Variants in MAPK10 observed in about 807,000 individuals in gnomAD.
MAPK10 encodes JNK3 alpha protein kinase.
In MAPK10, 25 loss-of-function variants were observed where a neutral mutation model predicts 59.3. The observed-to-expected ratio is 0.42, with a 90% CI of 0.31 to 0.59. The LOEUF is 0.59. Ranked by LOEUF, MAPK10 falls within the 20% of genes least tolerant of loss-of-function variation. The pLI, the probability that MAPK10 is intolerant of heterozygous loss-of-function variation, is 0.15. For synonymous variants in MAPK10, 190 were observed against 200.5 expected, an observed-to-expected ratio of 0.95 and a Z score of 0.44; for missense variants, 351 against 568.9, an observed-to-expected ratio of 0.62 and a Z score of 3.90.
chr4:86,466,069 A>C (rs746882306), intron 1 of MAPK10, among the ~76,000 whole-genome samples: 24 of 152,356 alleles, frequency 1.6e-4, no homozygotes, highest in Non-Finnish European at 2.9e-4. Flanking sequence ...TAATGCCTGG[A>C]TGTAATCACT....
At chr4:86,546,118 G>T (rs891343059) in intron 1 of MAPK10, among the ~76,000 whole-genome samples, 1 of 152,162 alleles carries the variant, frequency 6.6e-6, no homozygotes, top group Non-Finnish European at 1.5e-5. Context: ...AGCTACTTGG[G>T]AGGCTGAGGC....
At chr4:86,337,516 G>T (rs1207558590) in intron 2 of MAPK10, among the ~76,000 whole-genome samples, 9 of 152,160 alleles carry the variant, frequency 5.9e-5, no homozygotes, top group African/African-American at 2.2e-4. Flanking sequence ...ACAGAATGGG[G>T]AAATAGAAAG....
At chr4:86,165,626 C>A (rs547750154) in intron 3 of MAPK10, among the ~76,000 whole-genome samples, 1 of 136,712 alleles carries the variant, frequency 7.3e-6, no homozygotes, top group East Asian at 2.3e-4. Flanking sequence ...GTCTTGAACT[C>A]CTGGCCTCAA....
chr4:86,372,564 G>GAAAGGAAAAGAAAAGAAAAGA lies in MAPK10; in HGVS notation c.-121-17921_-121-17920insTCTTTTCTTTTCTTTTCCTTT, dbSNP rs1554253764. On this transcript the variant is annotated intron_variant, in intron 1 of 13. Coordinates refer to the MAPK10 transcript ENST00000361569. Reference sequence around the variant, plus strand: ...AGAAAGAAAGAAAGAAAGAAAGAAAGAAAGAAAAGAAAAGAAAAGAAAAGA... The same window carrying GAAAGGAAAAGAAAAGAAAAGA: ...AGAAAGAAAGAAAGAAAGAAAGAAAGAAAGGAAAAGAAAAGAAAAGAAAAGAAAAGAAAAGAAAAGAAAAGA... Among the ~76,000 whole-genome samples, 73 of 78,714 alleles carry GAAAGGAAAAGAAAAGAAAAGA rather than the reference G, an allele frequency of 9.3e-4. 3 individuals carry two copies. Among genetic ancestry groups the GAAAGGAAAAGAAAAGAAAAGA allele is most frequent in the African/African-American group, 2.6e-3 (59 of 22,582 alleles). The allele number at this position is 78,714 out of a possible 152,430, so 51.6% of individuals were successfully genotyped here.
At chr4:86,042,241 C>T (rs776970376) in intron 11 of MAPK10, among the ~76,000 whole-genome samples, 5 of 152,186 alleles carry the variant, frequency 3.3e-5, no homozygotes, top group South Asian at 4.1e-4. Flanking sequence ...CCAAACACTG[C>T]GTGTTCTCAC....
chr4:86,223,026 C>T (rs557651568), intron 2 of MAPK10, among the ~76,000 whole-genome samples: 1 of 152,310 alleles, frequency 6.6e-6, no homozygotes, highest in African/African-American at 2.4e-5. Context: ...TCACTCTATC[C>T]CTGACACTGT....
At chr4:86,139,792 G>C (rs1298987485) in intron 4 of MAPK10, among the ~76,000 whole-genome samples, 3 of 151,266 alleles carry the variant, frequency 2.0e-5, no homozygotes, top group Middle Eastern at 3.2e-3. Context: ...ATCTGACAAA[G>C]GGCTAATATC....
chr4:86,198,987 C>T (rs1302120340), intron 2 of MAPK10, among the ~76,000 whole-genome samples: 2 of 151,842 alleles, frequency 1.3e-5, no homozygotes, highest in Non-Finnish European at 2.9e-5. Flanking sequence ...TATTGGGATA[C>T]TATTTTATAT....
chr4:86,379,393 T>G (rs2148999738), intron 1 of MAPK10, among the ~76,000 whole-genome samples: 1 of 152,340 alleles, frequency 6.6e-6, no homozygotes, highest in African/African-American at 2.4e-5. Context: ...GTTTCCTTTT[T>G]GTTACTGAAC....
chr4:86,174,219 C>A (rs1236831690), intron 3 of MAPK10, among the ~76,000 whole-genome samples: 1 of 152,146 alleles, frequency 6.6e-6, no homozygotes, highest in Non-Finnish European at 1.5e-5. Context: ...ATGACAAACC[C>A]AAATGCCCAT....
chr4:86,194,412 A>G lies in MAPK10; in HGVS notation c.-6-5T>C. 6.6e-7 allele frequency: 1 copy of G among 1,518,340 alleles called. No individual in the cohort carries two copies. Among genetic ancestry groups the G allele is most frequent in the Non-Finnish European group, 9.1e-7 (1 of 1,093,684 alleles). The allele number at this position is 1,518,340 out of a possible 1,614,324, so 94.1% of individuals were successfully genotyped here. A position where few individuals can be genotyped will look rare whatever the true frequency, so the allele number is the denominator to read the frequency against. ...GAAATGGAGGCTCATAAATACCTAG[A>G]GGAAAAAGAAATGGAGCATAAATTT... On this transcript the variant is annotated splice_region_variant and splice_polypyrimidine_tract_variant and intron_variant, in intron 2 of 13. Transcript: ENST00000641462.
intron 11 of MAPK10, among the ~76,000 whole-genome samples, chr4:86,061,861 TA>T (rs2045821994): frequency 6.6e-6 from 1 of 152,164 alleles, no homozygotes; most frequent in Non-Finnish European, 1.5e-5. Context: ...ATTTGGATTA[TA>T]AAGACATACG....
At chr4:86,272,754 A>T (rs181322815) in intron 2 of MAPK10, among the ~76,000 whole-genome samples, 52 of 152,168 alleles carry the variant, frequency 3.4e-4, no homozygotes, top group African/African-American at 1.1e-3. Flanking sequence ...TTTGCCTGTA[A>T]CCAAATTTCA....
chr4:86,581,049 G>A (rs1762227905), intron 1 of MAPK10, among the ~76,000 whole-genome samples: 1 of 152,134 alleles, frequency 6.6e-6, no homozygotes, highest in Admixed American at 6.5e-5. Flanking sequence ...AATAAATGGT[G>A]TTTTGCTTCA....
At chr4:86,533,213 G>A (rs1388638785) in intron 1 of MAPK10, among the ~76,000 whole-genome samples, 2 of 152,096 alleles carry the variant, frequency 1.3e-5, no homozygotes, top group Non-Finnish European at 1.5e-5. Flanking sequence ...GATACATAGA[G>A]AGAGAAAGTA....
intron 2 of MAPK10, among the ~76,000 whole-genome samples, chr4:86,213,168 C>A (rs2086358643): frequency 1.3e-5 from 2 of 151,862 alleles, no homozygotes; most frequent in Admixed American, 6.5e-5. Flanking sequence ...AATGAAAATA[C>A]AACATAACAA....
intron 1 of MAPK10, among the ~76,000 whole-genome samples, chr4:86,507,214 C>G (rs780076265): frequency 6.6e-6 from 1 of 150,892 alleles, no homozygotes; most frequent in Non-Finnish European, 1.5e-5. Flanking sequence ...AGAGGCAAGC[C>G]CCAGAACAAT....
At position 86,550,374 on chromosome 4, in the gene MAPK10, T is replaced by TAAAAAAAAAA. The variant is rs753508493; in HGVS notation, c.-263+43526_-263+43535dup. 3.7e-4 allele frequency among the ~76,000 whole-genome samples: 29 copies of TAAAAAAAAAA among 77,394 alleles called. 6 individuals carry two copies. The highest frequency in any genetic ancestry group is 5.8e-4 in the Non-Finnish European group (25 of 43,324). 50.8% of individuals were successfully genotyped at this position (77,394 alleles called of 152,430 possible). On this transcript the variant is annotated intron_variant, in intron 1 of 4. Coordinates refer to the MAPK10 transcript ENST00000502302. Reference sequence around the variant, plus strand: ...CAGAAGGGCTAAGCAGAGCTTCAGTTAAAAAAAAAAAAAAAAAAAAAAAAA... The same window carrying TAAAAAAAAAA: ...CAGAAGGGCTAAGCAGAGCTTCAGTTAAAAAAAAAAAAAAAAAAAAAAAAAAAAAAAAAAA...
intron 9 of MAPK10, 124 bp downstream of exon 9, chr4:86,098,400 T>A: frequency 1.4e-6 from 2 of 1,414,008 alleles, no homozygotes; most frequent in South Asian, 3.0e-5. Context: ...ATCACTTTTT[T>A]ATTACAATAA....
Sources: gnomAD v4.1 joint callset for allele counts (sites outside exome capture counted in the v4.1 genomes callset) on GRCh38, gnomAD v4.1.1 for gene constraint, MANE v1.5 for transcripts, NCBI Gene and HGNC (gene_info 2026-07-23, HGNC 2026-07-21) for gene names.